Variants in CEP128 observed in about 807,000 individuals in gnomAD.
CEP128 encodes centrosomal protein 128.
CEP128 carries 132 observed loss-of-function variants against 156.7 expected under a neutral mutation model. That is an observed-to-expected ratio of 0.84 (90% CI 0.73 to 0.97). CEP128 has a LOEUF of 0.97. CEP128 is among the 50% of genes least tolerant of loss of function. The pLI is 0.00. For missense variants in CEP128, 1,252 were observed against 1,281.9 expected (o/e 0.98, Z 0.36); for synonymous variants, 469 against 448.9 (o/e 1.04, Z -0.57).
intron 23 of CEP128, among the ~76,000 whole-genome samples, chr14:80,513,735 C>T (rs927099972): frequency 3.3e-5 from 5 of 152,198 alleles, no homozygotes; most frequent in Admixed American, 2.0e-4. Flanking sequence ...TTCTATATAT[C>T]GTGACTTACT....
At chr14:80,746,282 A>T (rs1899094544) in intron 18 of CEP128, among the ~76,000 whole-genome samples, 2 of 152,214 alleles carry the variant, frequency 1.3e-5, no homozygotes, top group Admixed American at 6.5e-5. Context: ...TAGCCAAAAA[A>T]AGATATTGGA....
intron 16 of CEP128, among the ~76,000 whole-genome samples, chr14:80,770,876 C>G (rs1595373920): frequency 6.6e-6 from 1 of 152,172 alleles, no homozygotes; most frequent in East Asian, 1.9e-4. Flanking sequence ...TTCTATTTTT[C>G]TGATTTCTCT....
intron 13 of CEP128, among the ~76,000 whole-genome samples, chr14:80,811,363 T>C (rs1305764902): frequency 1.3e-5 from 2 of 152,154 alleles, no homozygotes; most frequent in South Asian, 2.1e-4. Flanking sequence ...CACTCTGTCT[T>C]CCAGAATGGT....
intron 16 of CEP128, among the ~76,000 whole-genome samples, chr14:80,772,734 C>T (rs1374890066): frequency 1.3e-5 from 2 of 152,120 alleles, no homozygotes; most frequent in Non-Finnish European, 2.9e-5. Context: ...CTCCCCCTCC[C>T]ATAAGAGGTT....
At chr14:80,501,262 C>A (rs191342749) in intron 24 of CEP128, among the ~76,000 whole-genome samples, 1 of 152,060 alleles carries the variant, frequency 6.6e-6, no homozygotes, top group East Asian at 1.9e-4. Context: ...GTTCCTGGAG[C>A]GAGGAGTAGA....
chr14:80,533,893 G>C (rs1446837242), intron 21 of CEP128, among the ~76,000 whole-genome samples: 3 of 151,988 alleles, frequency 2.0e-5, no homozygotes, highest in Non-Finnish European at 4.4e-5. Flanking sequence ...AACATAGATG[G>C]CATACGTCCT....
chr14:80,763,713 CA>C (rs1218270818), intron 16 of CEP128, among the ~76,000 whole-genome samples: 13 of 152,192 alleles, frequency 8.5e-5, no homozygotes, highest in Admixed American at 2.0e-4. Flanking sequence ...CAGGAGTCCA[CA>C]AAACAAGTTT....
chr14:80,928,661 A>T (rs544422352), intron 2 of CEP128, among the ~76,000 whole-genome samples: 21 of 152,294 alleles, frequency 1.4e-4, no homozygotes, highest in African/African-American at 4.3e-4. Context: ...TAAAATGGCC[A>T]AACCTAAGAA....
At chr14:80,737,691 G>C (rs1337188545) in intron 19 of CEP128, among the ~76,000 whole-genome samples, 2 of 151,816 alleles carry the variant, frequency 1.3e-5, no homozygotes, top group African/African-American at 4.8e-5. Flanking sequence ...GACCAGCCTG[G>C]GTAACCTAGC....
chr14:80,711,788 T>C (rs1566871268), intron 19 of CEP128, among the ~76,000 whole-genome samples: 2 of 152,158 alleles, frequency 1.3e-5, no homozygotes, highest in Non-Finnish European at 2.9e-5. Context: ...GATTATTGTT[T>C]ATTATATGCT....
chr14:80,622,999 C>T (rs1422052574), intron 19 of CEP128, among the ~76,000 whole-genome samples: 1 of 152,098 alleles, frequency 6.6e-6, no homozygotes, highest in Admixed American at 6.6e-5. Context: ...GCTATAAAGA[C>T]ACATGCACAT....
At chr14:80,584,256 C>T (rs1009337596) in intron 19 of CEP128, among the ~76,000 whole-genome samples, 1 of 150,924 alleles carries the variant, frequency 6.6e-6, no homozygotes, top group Non-Finnish European at 1.5e-5. Flanking sequence ...AAGCGATTCT[C>T]CTGCCTCAGC....
At chr14:80,696,284 T>C (rs1896889682) in intron 19 of CEP128, among the ~76,000 whole-genome samples, 1 of 152,068 alleles carries the variant, frequency 6.6e-6, no homozygotes, top group Non-Finnish European at 1.5e-5. Flanking sequence ...TAAAACACAA[T>C]ACATTTGAGT....
chr14:80,581,485 C>T (rs749248927), intron 19 of CEP128, among the ~76,000 whole-genome samples: 2 of 152,070 alleles, frequency 1.3e-5, no homozygotes, highest in African/African-American at 4.8e-5. Context: ...AGGCAATACA[C>T]CAAAATTTCA....
At chr14:80,666,070 C>A (rs1895600800) in intron 19 of CEP128, among the ~76,000 whole-genome samples, 1 of 152,142 alleles carries the variant, frequency 6.6e-6, no homozygotes, top group African/African-American at 2.4e-5. Context: ...GAGAGGACAA[C>A]CACCAGGGTA....
chr14:80,856,710 T>TTTTTC (rs1383223279), intron 9 of CEP128, among the ~76,000 whole-genome samples: 1 of 140,708 alleles, frequency 7.1e-6, no homozygotes, highest in Non-Finnish European at 1.5e-5. Flanking sequence ...TTATCTCATG[T>TTTTTC]TTTTCTTTTC....
At chr14:80,532,342 A>G (rs1302145389) in intron 21 of CEP128, among the ~76,000 whole-genome samples, 2 of 151,952 alleles carry the variant, frequency 1.3e-5, no homozygotes, top group African/African-American at 2.4e-5. Context: ...ACAGGCACAC[A>G]CTACCACACC....
rs1890576239 is a variant in CEP128, at chr14:80,559,419, T to C, written c.2857-117A>G. The C allele has an allele frequency of 3.7e-6, 3 of 801,898 alleles. No individual in the cohort carries two copies. In the South Asian group the frequency reaches 6.0e-5, roughly 16 times the overall value. The allele number at this position is 801,898 out of a possible 1,614,324, so 49.7% of individuals were successfully genotyped here. A position where few individuals can be genotyped will look rare whatever the true frequency, so the allele number is the denominator to read the frequency against. On this transcript the variant is annotated intron_variant, in intron 20 of 24. Coordinates refer to ENST00000555265, the MANE Select transcript of CEP128 (RefSeq NM_152446.5). ...TATTATTAATAATTCATTTTAAAAA[T>C]GTAAAAAATGAGAACTATTCAGAAT...
intron 19 of CEP128, among the ~76,000 whole-genome samples, chr14:80,636,514 C>G (rs1894186446): frequency 6.6e-6 from 1 of 152,162 alleles, no homozygotes; most frequent in African/African-American, 2.4e-5. Context: ...TATTCTCCCC[C>G]TAAAATCTGT....
Sources: allele counts gnomAD v4.1 joint callset (sites outside exome capture counted in the v4.1 genomes callset), GRCh38; gene constraint gnomAD v4.1.1; transcripts MANE v1.5; gene names NCBI Gene and HGNC (gene_info 2026-07-23, HGNC 2026-07-21).